Variants in CSGALNACT1 observed in about 807,000 individuals in gnomAD.
CSGALNACT1 encodes the protein beta4GalNAcT-1.
CSGALNACT1 carries 52 observed loss-of-function variants against 51.0 expected under a neutral mutation model. The ratio of observed to expected loss-of-function variants is 1.02; its 90% CI spans 0.82 to 1.29. The LOEUF is 1.29. CSGALNACT1 is among the 50% of genes most tolerant of loss of function. The pLI is 0.00. For synonymous variants in CSGALNACT1, 341 were observed against 254.4 expected (o/e 1.34, Z -3.24); for missense variants, 935 against 679.2 (o/e 1.38, Z -4.19).
rs186911282 is a variant in CSGALNACT1 at position 19,651,380 on chromosome 8, C to T, written c.-544+31093G>A. Among the ~76,000 whole-genome samples the T allele has an allele frequency of 2.0e-4, 30 of 152,264 alleles. No individual in the cohort carries two copies. In the East Asian group the frequency reaches 3.5e-3, roughly 18 times the overall value. On this transcript the variant is annotated intron_variant, in intron 1 of 9. Coordinates refer to the CSGALNACT1 transcript ENST00000332246. The stretch of plus-strand genomic sequence containing the variant: ...ATTTCGTCACCAAGGTAACAAGGCT[C>T]GCACCCAATAGTTTTTTTATCTTCA...
At chr8:19,576,324 T>A (rs978294138) in intron 3 of CSGALNACT1, among the ~76,000 whole-genome samples, 3 of 774 alleles carry the variant, frequency 3.9e-3, no homozygotes, top group African/African-American at 0.014. Context: ...GCCTCCCCAA[T>A]ACTGGGATTA....
intron 1 of CSGALNACT1, among the ~76,000 whole-genome samples, chr8:19,663,035 G>A (rs554627104): frequency 6.6e-6 from 1 of 152,334 alleles, no homozygotes; most frequent in East Asian, 1.9e-4. Context: ...GGAAGGGGTT[G>A]CAAAGAACAA....
chr8:19,665,018 CTATT>C (rs772224187), intron 1 of CSGALNACT1, among the ~76,000 whole-genome samples: 15 of 152,238 alleles, frequency 9.9e-5, no homozygotes, highest in Middle Eastern at 3.4e-3. Flanking sequence ...CACTTGTACT[CTATT>C]TATTTTTTGA....
At chr8:19,709,360 G>A (rs1403005918) in intron 1 of CSGALNACT1, among the ~76,000 whole-genome samples, 1 of 152,218 alleles carries the variant, frequency 6.6e-6, no homozygotes, top group African/African-American at 2.4e-5. Context: ...CCTTCAAGGG[G>A]CTTATATTCT....
intron 5 of CSGALNACT1, among the ~76,000 whole-genome samples, chr8:19,443,481 C>A (rs1287257217): frequency 6.6e-6 from 1 of 152,118 alleles, no homozygotes. Flanking sequence ...ACTCACAGTT[C>A]CACATGGATG....
chr8:19,489,704 G>A (rs893808050), intron 4 of CSGALNACT1, among the ~76,000 whole-genome samples: 10 of 152,080 alleles, frequency 6.6e-5, no homozygotes, highest in Non-Finnish European at 1.0e-4. Flanking sequence ...TTGCACCATC[G>A]AGGGTCCCAT....
At chr8:19,578,798 G>A (rs2044874617) in intron 3 of CSGALNACT1, among the ~76,000 whole-genome samples, 1 of 152,098 alleles carries the variant, frequency 6.6e-6, no homozygotes. Flanking sequence ...TCCTTCCCAA[G>A]GTCACCCCTG....
At chr8:19,609,246 A>G (rs2051840023) in intron 1 of CSGALNACT1, among the ~76,000 whole-genome samples, 1 of 151,080 alleles carries the variant, frequency 6.6e-6, no homozygotes, top group South Asian at 2.1e-4. Flanking sequence ...AAATAAATAT[A>G]TAGTAATATT....
intron 1 of CSGALNACT1, among the ~76,000 whole-genome samples, chr8:19,662,142 G>C (rs968600880): frequency 2.8e-5 from 4 of 141,144 alleles, no homozygotes; most frequent in African/African-American, 1.1e-4. Context: ...GAGGCTAGGT[G>C]CGGTGGGGCT....
chr8:19,596,286 G>T (rs913129908), intron 2 of CSGALNACT1, among the ~76,000 whole-genome samples: 1 of 152,088 alleles, frequency 6.6e-6, no homozygotes, highest in Non-Finnish European at 1.5e-5. Context: ...ACACCAGTGT[G>T]ATATTGACAG....
chr8:19,639,140 C>T (rs1028692694), intron 1 of CSGALNACT1, among the ~76,000 whole-genome samples: 11 of 152,144 alleles, frequency 7.2e-5, no homozygotes, highest in African/African-American at 2.7e-4. Context: ...ATTAAAGAGG[C>T]CTGTTATCCT....
intron 3 of CSGALNACT1, among the ~76,000 whole-genome samples, chr8:19,530,412 A>G (rs901480066): frequency 1.3e-5 from 2 of 152,148 alleles, no homozygotes; most frequent in Admixed American, 6.5e-5. Context: ...TATAATATCT[A>G]TAACTCTTTG....
intron 4 of CSGALNACT1, among the ~76,000 whole-genome samples, chr8:19,476,552 T>C (rs1028846835): frequency 4.6e-5 from 7 of 152,106 alleles, no homozygotes; most frequent in African/African-American, 1.7e-4. Context: ...TCCCCAATAT[T>C]TTTTTTCAAA....
intron 5 of CSGALNACT1, among the ~76,000 whole-genome samples, chr8:19,442,315 A>T (rs1280952674): frequency 6.6e-6 from 1 of 152,188 alleles, no homozygotes; most frequent in East Asian, 1.9e-4. Flanking sequence ...ACTTGGAACC[A>T]ACCCAAATGT....
upstream of CSGALNACT1, chr8:19,682,712 G>C (rs1256996330): frequency 2.0e-5 from 9 of 453,954 alleles, no homozygotes; most frequent in African/African-American, 1.6e-4. Context: ...GCAATTCGGG[G>C]CCACACCAAT....
In CSGALNACT1 at chr8:19,523,533, G is replaced by T. The variant is rs1025467981; in HGVS notation, c.-296-17403C>A. Among the ~76,000 whole-genome samples the T allele has an allele frequency of 2.6e-5, 4 of 152,090 alleles. No individual in the cohort carries two copies. In the East Asian group the frequency reaches 7.7e-4, roughly 29 times the overall value. ...GATCCACCCACCTTGGCCTCCCAAA[G>T]TGGTGAGATTACAGGCAGGAGCCAC... On this transcript the variant is annotated intron_variant, in intron 3 of 9. Coordinates refer to ENST00000454498, the Ensembl canonical transcript of CSGALNACT1.
intron 1 of CSGALNACT1, among the ~76,000 whole-genome samples, chr8:19,733,112 T>A (rs568490635): frequency 1.6e-4 from 25 of 152,358 alleles, no homozygotes; most frequent in Admixed American, 5.2e-4. Flanking sequence ...AGAGTAGAAC[T>A]TCTGGACAGA....
intron 1 of CSGALNACT1, among the ~76,000 whole-genome samples, chr8:19,667,540 T>A (rs570217793): frequency 1.3e-4 from 19 of 151,880 alleles, no homozygotes; most frequent in Non-Finnish European, 8.8e-5. Flanking sequence ...TGAACTGCAA[T>A]GAGAGAGTCA....
intron 3 of CSGALNACT1, among the ~76,000 whole-genome samples, chr8:19,584,295 T>C (rs536742013): frequency 6.6e-6 from 1 of 152,340 alleles, no homozygotes; most frequent in South Asian, 2.1e-4. Flanking sequence ...ATGTTATTGG[T>C]ACTCTGTAAT....
Sources: gnomAD v4.1 joint callset for allele counts (sites outside exome capture counted in the v4.1 genomes callset) on GRCh38, gnomAD v4.1.1 for gene constraint, MANE v1.5 for transcripts, NCBI Gene and HGNC (gene_info 2026-07-23, HGNC 2026-07-21) for gene names.